KMT2B: variants seen among roughly 807,000 people sequenced by gnomAD.
KMT2B encodes histone-lysine N-methyltransferase 2B.
Under a neutral mutation model 255.3 loss-of-function variants are expected in KMT2B, and 22 were observed. That is an observed-to-expected ratio of 0.09 (90% confidence interval 0.06 to 0.12). The LOEUF is 0.12. Ranked by LOEUF, KMT2B falls within the 10% of genes least tolerant of loss-of-function variation. KMT2B has a pLI of 1.00. For synonymous variants in KMT2B, 1,730 were observed against 1,498.1 expected, an observed-to-expected ratio of 1.15 and a Z score of -3.57; for missense variants, 3,149 against 3,737.0, an observed-to-expected ratio of 0.84 and a Z score of 4.10.
In KMT2B at chr19:35,734,693, C is replaced by T. The variant is rs1448749915; in HGVS notation, c.7159+821C>T. ...CCCTGGAGGAGGCTTGGCTGATGGA[C>T]TCCTTGAAGCTGGCGGTGGAGTGGT... is the stretch of plus-strand genomic sequence containing the variant. On this transcript the variant is annotated intron_variant, in intron 30 of 36. Coordinates refer to ENST00000420124, the MANE Select transcript of KMT2B (RefSeq NM_014727.3). Among the ~76,000 whole-genome samples the T allele has an allele frequency of 2.0e-5, 3 of 152,134 alleles. No homozygotes were observed. In the East Asian group the frequency reaches 5.8e-4, roughly 29 times the overall value.
Position 35,727,710 on chromosome 19 carries a change from G to A in KMT2B, c.4315G>A (p.Gly1439Arg), listed in dbSNP as rs1345744809. ...LLLCTQCGPDGKQLHPGPCGL... is the reference protein window; with the variant it reads ...LLLCTQCGPDRKQLHPGPCGL... The stretch of plus-strand genomic sequence containing the variant: ...CCCCGCTTTGCAGTGTGGGCCAGAT[G>A]GGAAGCAACTGCACCCAGGACCCTG... The change falls in exon 17 of 37, where the codon GGG becomes AGG. Residue 1439 changes from glycine to arginine, a missense_variant. This residue lies in a region of KMT2B where 377 missense variants were observed against 471.0 expected (regional missense o/e 0.80). Transcript: ENST00000420124. The surrounding 1 kb of genome is among the most constrained non-coding windows in gnomAD (Gnocchi z 4.2). The A allele has an allele frequency of 6.2e-7, 1 of 1,613,766 alleles. No individual in the cohort carries two copies. The highest frequency in any genetic ancestry group is 2.2e-5 in the East Asian group (1 of 44,882).
Position 35,732,036 on chromosome 19 carries a change from G to A in KMT2B, c.5566G>A (p.Ala1856Thr). Residue 1856 changes from alanine to threonine, a missense_variant, in exon 27 of 37, where the codon GCC becomes ACC. Coordinates refer to ENST00000420124, the MANE Select transcript of KMT2B (RefSeq NM_014727.3). ...RPDSGSAPPP[A>T]PRSFSGARIK... is the part of the protein sequence containing the mutation. ...AGATTCAGGCAGCGCCCCTCCTCCA[G>A]CCCCCCGTTCTTTTTCGGGGGCTCG... 6.2e-7 allele frequency: 1 copy of A among 1,612,944 alleles called. No individual in the cohort carries two copies. Among genetic ancestry groups the A allele is most frequent in the South Asian group, 1.1e-5 (1 of 90,890 alleles).
chr19:35,724,880 G>A (rs1969372215), intron 9 of KMT2B, 109 bp from the exon 10 acceptor site: 3 of 1,128,990 alleles, frequency 2.7e-6, no homozygotes, highest in Admixed American at 4.0e-5. Context: ...AAAGCAAAGG[G>A]GTCTGGATCA....
In KMT2B at chr19:35,724,659, G is replaced by A. The variant is rs989585091; in HGVS notation, c.3357G>A (p.Glu1119=). ...RENELPLPEP[E]EQSRPRKPTL... is the part of the protein sequence containing the mutation. ...TAGAGCTGCCACTGCCAGAACCTGA[G>A]GAGCAGAGCCGGCCCCGCAAACCTA... The change falls in exon 9 of 37, where the codon GAG becomes GAA. Residue 1119 remains glutamate (E), a synonymous_variant. Coordinates refer to ENST00000420124, the MANE Select transcript of KMT2B (RefSeq NM_014727.3). The A allele has an allele frequency of 6.2e-7, 1 of 1,600,716 alleles. No individual in the cohort carries two copies. Among genetic ancestry groups the A allele is most frequent in the South Asian group, 1.1e-5 (1 of 88,524 alleles).
Position 35,733,116 on chromosome 19 carries a change from C to T in KMT2B, c.6567C>T (p.Ser2189=). Residue 2189 remains serine, a synonymous_variant, in exon 28 of 37, where the codon TCC becomes TCT. Coordinates refer to ENST00000420124, the MANE Select transcript of KMT2B (RefSeq NM_014727.3). This position sits in a 1 kb window ranked among gnomAD's most constrained non-coding sequence, Gnocchi z 4.3. Reference sequence around the variant, plus strand: ...CTGAGCCCCCCAAACCCGCCACATCCAAAATCATACTTGTCAACAAGCTGG... The same window carrying T: ...CTGAGCCCCCCAAACCCGCCACATCTAAAATCATACTTGTCAACAAGCTGG... ...PAPEPPKPAT[S]KIILVNKLGQ... is the part of the protein sequence containing the mutation. 1 of 1,591,150 alleles carries T rather than the reference C, an allele frequency of 6.3e-7. No individual in the cohort carries two copies.
intron 26 of KMT2B, among the ~76,000 whole-genome samples, chr19:35,731,591 A>G (rs1429665049): frequency 2.0e-5 from 3 of 152,182 alleles, no homozygotes; most frequent in Non-Finnish European, 2.9e-5. Context: ...TGGATGCACC[A>G]GGCAAGTAAG....
At chr19:35,724,591 G>A (rs1253202479) in intron 8 of KMT2B, 46 bp from the exon 9 acceptor site, 2 of 1,455,666 alleles carry the variant, frequency 1.4e-6, no homozygotes, top group Non-Finnish European at 1.9e-6. Flanking sequence ...AGAAGAAGAG[G>A]GGCGTGGAAG....
In KMT2B at chr19:35,727,906, G is replaced by A; in HGVS notation, c.4418G>A (p.Gly1473Asp). 6.2e-7 allele frequency: 1 copy of A among 1,602,634 alleles called. No homozygotes were observed. Among genetic ancestry groups the A allele is most frequent in the South Asian group, 1.1e-5 (1 of 90,028 alleles). The part of the protein sequence containing the change: ...SVHSFMEDMV[G>D]ILMRHSEEGE... ...CACAGCTTCATGGAGGACATGGTGGGCATCCTCATGCGGCACTCGGAGGAG... is the reference window on the plus strand; with the variant it reads ...CACAGCTTCATGGAGGACATGGTGGACATCCTCATGCGGCACTCGGAGGAG... The change falls in exon 18 of 37, where the codon GGC (glycine) becomes GAC (aspartate). Residue 1473 changes from glycine to aspartate, a missense_variant. By Grantham distance (94) the Gly-to-Asp change is moderately conservative (BLOSUM62 -1). Transcript: ENST00000420124. This position sits in a 1 kb window ranked among gnomAD's most constrained non-coding sequence, Gnocchi z 4.2.
In KMT2B at chr19:35,732,101, G is replaced by A. The variant is rs1300278315; in HGVS notation, c.5631G>A (p.Leu1877=). The change falls in exon 27 of 37, where the codon TTG becomes TTA. Residue 1877 remains leucine, a synonymous_variant. Transcript: ENST00000420124. ...VPNYSPSRRP[L]GGVSFGPLPS... is the part of the protein sequence containing the mutation. ...ACTACTCGCCATCCCGGAGGCCCTT[G>A]GGGGGTGTCTCCTTTGGCCCCCTGC... 6.2e-7 allele frequency: 1 copy of A among 1,603,444 alleles called. No individual in the cohort carries two copies. The highest frequency in any genetic ancestry group is 8.5e-7 in the Non-Finnish European group (1 of 1,175,278).
chr19:35,721,431 C>T lies in KMT2B; in HGVS notation c.2084C>T (p.Ala695Val). 1 of 1,612,242 alleles carries T rather than the reference C, an allele frequency of 6.2e-7. No individual in the cohort carries two copies. Among genetic ancestry groups the T allele is most frequent in the Non-Finnish European group, 8.5e-7 (1 of 1,179,732 alleles). The change falls in exon 3 of 37, where the codon GCA (alanine) becomes GTA (valine). Residue 695 changes from alanine to valine, a missense_variant. By Grantham distance (64) the Ala-to-Val change is moderately conservative (BLOSUM62 0). Transcript: ENST00000420124. ...TCTCCAGCTGAGCCTGAGCCTCGGG[C>T]AGTGGGCCGCACCAACCACCTCAGC... is the stretch of plus-strand genomic sequence containing the variant. ...DDSPAEPEPR[A>V]VGRTNHLSLP...
chr19:35,720,391 G>C lies in KMT2B; in HGVS notation c.1044G>C (p.Gln348His), dbSNP rs1294611442. The change falls in exon 3 of 37, where the codon CAG (glutamine) becomes CAC (histidine). Residue 348 changes from glutamine (Q) to histidine (H), a missense_variant. Gln to His is a conservative substitution (Grantham distance 24). Around this residue, in one of 18 missense-constraint regions of KMT2B, gnomAD observed 1,188 missense variants for 1,106.4 expected, o/e 1.07. Coordinates refer to ENST00000420124, the MANE Select transcript of KMT2B (RefSeq NM_014727.3). ...DVPQRRVGSG[Q>H]GGSPCWKKQE... is the part of the protein sequence containing the mutation. ...CCCAAAGAAGAGTTGGATCTGGACA[G>C]GGAGGGAGCCCTTGCTGGAAAAAGC... 6 of 1,582,614 alleles carry C rather than the reference G, an allele frequency of 3.8e-6. No individual in the cohort carries two copies. The highest frequency in any genetic ancestry group is 5.2e-6 in the Non-Finnish European group (6 of 1,164,088).
At position 35,729,849 on chromosome 19, in the gene KMT2B, CT is replaced by C. The variant is rs1969622375; in HGVS notation, c.4918-117del. 1.8e-5 allele frequency: 18 copies of C among 1,018,158 alleles called. No individual in the cohort carries two copies. In the East Asian group the frequency reaches 4.7e-4, roughly 27 times the overall value. 63.1% of individuals were successfully genotyped at this position (1,018,158 alleles called of 1,614,324 possible). The stretch of plus-strand genomic sequence containing the variant: ...GGATGCGGCTGGGGAGAGGCTGCGC[CT>C]AGGGAGAGCCTTTGCCGTGCCAGGC... On this transcript the variant is annotated intron_variant, in intron 22 of 36. Transcript: ENST00000420124.
rs746970119 is a variant in KMT2B at position 35,729,046 on chromosome 19, C to G, written c.4749C>G (p.Leu1583=). The change falls in exon 21 of 37, where the codon CTC becomes CTG. Residue 1583 remains leucine, a synonymous_variant. Coordinates refer to ENST00000420124, the MANE Select transcript of KMT2B (RefSeq NM_014727.3). ...SHLEDPRQCA[L]CLKYGDADSK... The stretch of plus-strand genomic sequence containing the variant: ...TGGAGGACCCCCGTCAGTGTGCACT[C>G]TGCCTCAAATACGGGGATGCAGACT... 7.4e-6 allele frequency: 12 copies of G among 1,613,938 alleles called. No individual in the cohort carries two copies. The highest frequency in any genetic ancestry group is 1.0e-5 in the Non-Finnish European group (12 of 1,179,910).
chr19:35,723,866 G>A lies in KMT2B; in HGVS notation c.3193G>A (p.Glu1065Lys). The change falls in exon 8 of 37, where the codon GAG (glutamate) becomes AAG (lysine). Residue 1065 changes from glutamate (E) to lysine (K), a missense_variant. This residue lies in a region of KMT2B where 136 missense variants were observed against 137.3 expected (regional missense o/e 0.99). Coordinates refer to ENST00000420124, the MANE Select transcript of KMT2B (RefSeq NM_014727.3). This position sits in a 1 kb window ranked among gnomAD's most constrained non-coding sequence, Gnocchi z 7.5. ...REEVVAHPGP[E>K]EQDSLLQRKS... ...GGAGGTGGTGGCCCACCCAGGGCCC[G>A]AGGAGCAGGACTCCCTCCTGCAGCG... 4 of 1,608,122 alleles carry A rather than the reference G, an allele frequency of 2.5e-6. No homozygotes were observed. The highest frequency in any genetic ancestry group is 3.4e-6 in the Non-Finnish European group (4 of 1,177,668).
chr19:35,722,520 G>T, intron 4 of KMT2B, 48 bp downstream of exon 4: 1 of 1,593,880 alleles, frequency 6.3e-7, no homozygotes, highest in Non-Finnish European at 8.5e-7. Flanking sequence ...GGAGGAGTGG[G>T]GCTGCGGGAG....
rs1970023847 is a variant in KMT2B, at chr19:35,738,805, C to T, written c.*248C>T. On this transcript the variant is annotated 3_prime_UTR_variant, in exon 37 of 37. Coordinates refer to ENST00000420124, the MANE Select transcript of KMT2B (RefSeq NM_014727.3). This position sits in a 1 kb window ranked among gnomAD's most constrained non-coding sequence, Gnocchi z 8.7. ...CAAAGGTTTCTAAATCCCTTCTTTT[C>T]TATGCACTTTTTTATTTAAGAGGTG... The T allele has an allele frequency of 1.8e-6, 1 of 542,554 alleles. No individual in the cohort carries two copies. Among genetic ancestry groups the T allele is most frequent in the Admixed American group, 3.6e-5 (1 of 28,070 alleles). 33.6% of individuals were successfully genotyped at this position (542,554 alleles called of 1,614,324 possible). A position where few individuals can be genotyped will look rare whatever the true frequency, so the allele number is the denominator to read the frequency against.
At chr19:35,730,320 A>T (rs752599191) in intron 23 of KMT2B, 22 bp from the exon 24 acceptor site, 1 of 1,608,208 alleles carries the variant, frequency 6.2e-7, no homozygotes. Flanking sequence ...CAGCCACCTC[A>T]CTTTGCCACC....
intron 26 of KMT2B, among the ~76,000 whole-genome samples, chr19:35,731,111 A>G (rs928358487): frequency 6.6e-6 from 1 of 152,180 alleles, no homozygotes; most frequent in Non-Finnish European, 1.5e-5. Flanking sequence ...CTTTTGGACG[A>G]CTGCAGGGAG....
intron 2 of KMT2B, 78 bp downstream of exon 2, chr19:35,719,619 A>C (rs1198606338): frequency 6.6e-7 from 1 of 1,516,856 alleles, no homozygotes; most frequent in East Asian, 2.3e-5. Context: ...TTCCCTGTTC[A>C]ACTAGCCTCT....
Sources: gnomAD v4.1 joint callset for allele counts (sites outside exome capture counted in the v4.1 genomes callset) on GRCh38, gnomAD v4.1.1 for gene constraint, gnomAD v4.1.1 regional missense constraint, Gnocchi (gnomAD v3.1) non-coding constraint, MANE v1.5 for transcripts, NCBI Gene and HGNC (gene_info 2026-07-23, HGNC 2026-07-21) for gene names.